SRRM3: variants seen among roughly 807,000 people sequenced by gnomAD.
SRRM3 encodes serine/arginine repetitive matrix protein 3.
A neutral mutation model predicts 66.2 loss-of-function variants in SRRM3; 27 were observed. That is an observed-to-expected ratio of 0.41 (90% CI 0.30 to 0.56). The LOEUF is 0.56. Among genes scored for constraint, SRRM3 ranks in the 20% least tolerant of loss-of-function variants. SRRM3 has a pLI of 0.32. For missense variants in SRRM3, 918 were observed against 991.9 expected (o/e 0.93, Z 1.00); for synonymous variants, 391 against 414.9 (o/e 0.94, Z 0.70).
chr7:76,210,943 C>T (rs1800416698), intron 1 of SRRM3, among the ~76,000 whole-genome samples: 1 of 152,078 alleles, frequency 6.6e-6, no homozygotes, highest in South Asian at 2.1e-4. Context: ...GCTGGGACCA[C>T]AGGCACCTGC....
chr7:76,231,308 C>G (rs1224185961), intron 1 of SRRM3, among the ~76,000 whole-genome samples: 4 of 152,220 alleles, frequency 2.6e-5, no homozygotes, highest in Non-Finnish European at 5.9e-5. Flanking sequence ...CCACGCCCCT[C>G]TTCACATAGC....
intron 11 of SRRM3, among the ~76,000 whole-genome samples, chr7:76,275,340 G>A (rs1277316990): frequency 6.6e-6 from 1 of 151,224 alleles, no homozygotes; most frequent in African/African-American, 2.4e-5. Flanking sequence ...GGAAGAAAGG[G>A]CAAGCTAGGC....
Position 76,285,937 on chromosome 7 carries a change from C to A in SRRM3, c.*94C>A. 1.5e-6 allele frequency: 2 copies of A among 1,334,994 alleles called. No individual in the cohort carries two copies. The highest frequency in any genetic ancestry group is 3.0e-5 in the South Asian group (2 of 67,422). The allele number at this position is 1,334,994 out of a possible 1,614,324, so 82.7% of individuals were successfully genotyped here. A position where few individuals can be genotyped will look rare whatever the true frequency, so the allele number is the denominator to read the frequency against. On this transcript the variant is annotated 3_prime_UTR_variant, in exon 15 of 15. Transcript: ENST00000611745. The surrounding 1 kb of genome is among the most constrained non-coding windows in gnomAD (Gnocchi z 4.1). ...GTGGGGAGGGGGCTATATCTCCTTGCCCCCAAGGCTACAAAGAGGTCTCAG... is the reference window on the plus strand; with the variant it reads ...GTGGGGAGGGGGCTATATCTCCTTGACCCCAAGGCTACAAAGAGGTCTCAG...
At chr7:76,239,524 C>A (rs1554605349) in intron 2 of SRRM3, among the ~76,000 whole-genome samples, 1 of 151,934 alleles carries the variant, frequency 6.6e-6, no homozygotes, top group East Asian at 1.9e-4. Flanking sequence ...AGCCCCCTGC[C>A]AATCCACCTA....
intron 11 of SRRM3, among the ~76,000 whole-genome samples, chr7:76,275,168 C>T (rs1554610947): frequency 3.3e-5 from 5 of 151,440 alleles, no homozygotes; most frequent in Admixed American, 6.6e-5. Flanking sequence ...GAGGCCTACA[C>T]GGGCTTCTAT....
At chr7:76,228,725 A>C (rs1800941571) in intron 1 of SRRM3, among the ~76,000 whole-genome samples, 1 of 152,042 alleles carries the variant, frequency 6.6e-6, no homozygotes, top group Non-Finnish European at 1.5e-5. Context: ...CGCCGTCTCA[A>C]ACAAAACAAA....
chr7:76,256,506 TAA>T (rs1210490559), intron 3 of SRRM3, among the ~76,000 whole-genome samples: 1 of 143,512 alleles, frequency 7.0e-6, no homozygotes. Flanking sequence ...AGACTCTGTT[TAA>T]AAAAAAAAAA....
At chr7:76,221,641 C>T (rs1234940076) in intron 1 of SRRM3, among the ~76,000 whole-genome samples, 1 of 152,146 alleles carries the variant, frequency 6.6e-6, no homozygotes, top group African/African-American at 2.4e-5. Flanking sequence ...GGATTACAGG[C>T]GTGAGCCACC....
At chr7:76,247,186 GATAA>G (rs1379882230) in intron 2 of SRRM3, among the ~76,000 whole-genome samples, 1 of 152,140 alleles carries the variant, frequency 6.6e-6, no homozygotes, top group African/African-American at 2.4e-5. Flanking sequence ...ATAAGGAGTA[GATAA>G]CCGGACTTTG....
intron 1 of SRRM3, among the ~76,000 whole-genome samples, chr7:76,224,846 G>A (rs572188123): frequency 6.6e-6 from 1 of 152,246 alleles, no homozygotes; most frequent in African/African-American, 2.4e-5. Flanking sequence ...AGCGCCATTA[G>A]AGGTAATTGA....
chr7:76,259,793 C>A, intron 3 of SRRM3, 113 bp from the exon 4 acceptor site: 2 of 1,537,070 alleles, frequency 1.3e-6, no homozygotes, highest in South Asian at 1.2e-5. Flanking sequence ...GCCCCTCCCC[C>A]AGCCGGGTAG....
intron 1 of SRRM3, among the ~76,000 whole-genome samples, chr7:76,205,891 T>C (rs1800289757): frequency 6.6e-6 from 1 of 152,228 alleles, no homozygotes; most frequent in Admixed American, 6.5e-5. Flanking sequence ...GGAGGTGACT[T>C]CAACCTCTAA....
chr7:76,271,574 T>C (rs1802214010), intron 11 of SRRM3, among the ~76,000 whole-genome samples: 1 of 151,906 alleles, frequency 6.6e-6, no homozygotes, highest in African/African-American at 2.4e-5. Context: ...AACCAGAAGT[T>C]TGAGGCTGCA....
chr7:76,218,664 G>T (rs998320110), intron 1 of SRRM3, among the ~76,000 whole-genome samples: 207 of 142,606 alleles, frequency 1.5e-3, no homozygotes, highest in African/African-American at 5.0e-3. Context: ...CGTCTGTGTT[G>T]CTTTCTTTTC....
At chr7:76,230,301 C>A (rs555149113) in intron 1 of SRRM3, among the ~76,000 whole-genome samples, 33 of 152,186 alleles carry the variant, frequency 2.2e-4, no homozygotes, top group African/African-American at 7.0e-4. Context: ...AATCAATCAA[C>A]CAATTACAAC....
At chr7:76,215,651 G>C (rs1187853084) in intron 1 of SRRM3, among the ~76,000 whole-genome samples, 1 of 135,872 alleles carries the variant, frequency 7.4e-6, no homozygotes, top group Admixed American at 7.6e-5. Context: ...TTTTGAGACA[G>C]AGTTTCACTC....
At chr7:76,280,638 A>G (rs1455004110) in intron 11 of SRRM3, among the ~76,000 whole-genome samples, 1 of 134,640 alleles carries the variant, frequency 7.4e-6, no homozygotes, top group African/African-American at 2.8e-5. Flanking sequence ...TGCACTGTTG[A>G]GGCCAGAAGG....
intron 8 of SRRM3, among the ~76,000 whole-genome samples, chr7:76,263,859 C>T (rs7781748): frequency 2.7e-5 from 3 of 111,070 alleles, no homozygotes; most frequent in African/African-American, 1.0e-4. Flanking sequence ...GGCAACAGAG[C>T]GGGACTCTGT....
intron 2 of SRRM3, among the ~76,000 whole-genome samples, chr7:76,241,316 C>T (rs1010999479): frequency 5.9e-5 from 9 of 152,194 alleles, no homozygotes; most frequent in African/African-American, 2.2e-4. Context: ...AGCAGCCTCC[C>T]CCTTTATCCC....
Sources: gnomAD v4.1 joint callset for allele counts (sites outside exome capture counted in the v4.1 genomes callset) on GRCh38, gnomAD v4.1.1 for gene constraint, Gnocchi (gnomAD v3.1) non-coding constraint, MANE v1.5 for transcripts, NCBI Gene and HGNC (gene_info 2026-07-23, HGNC 2026-07-21) for gene names.